Variants in THBS4 observed in about 807,000 individuals in gnomAD.
THBS4 encodes the protein thrombospondin 4, also known as thrombospondin-4.
A neutral mutation model predicts 115.7 loss-of-function variants in THBS4; 90 were observed. That is an observed-to-expected ratio of 0.78 (90% CI 0.66 to 0.93). The LOEUF (loss-of-function observed/expected upper bound fraction) is 0.93. Ranked by LOEUF, THBS4 falls within the 40% of genes least tolerant of loss-of-function variation. THBS4 has a pLI of 0.00. For missense variants in THBS4, 1,087 were observed against 1,232.7 expected, an observed-to-expected ratio of 0.88 and a Z score of 1.77; for synonymous variants, 460 against 479.3, an observed-to-expected ratio of 0.96 and a Z score of 0.53.
chr5:80,050,832 G>T (rs1006166460), intron 2 of THBS4, among the ~76,000 whole-genome samples: 2 of 152,164 alleles, frequency 1.3e-5, no homozygotes, highest in Non-Finnish European at 2.9e-5. Context: ...AGATAGAGTC[G>T]GTTAGGTCTG....
chr5:80,081,904 A>G (rs1375941152), intron 20 of THBS4: 1 of 153,656 alleles, frequency 6.5e-6, no homozygotes, highest in African/African-American at 2.4e-5. Context: ...AAGTGTCCCC[A>G]CAGATTCCTC....
intron 17 of THBS4, 180 bp from the exon 18 acceptor site, chr5:80,078,741 C>T: frequency 3.7e-6 from 2 of 542,744 alleles, no homozygotes; most frequent in Non-Finnish European, 3.1e-6. Flanking sequence ...TTAACCTTTA[C>T]AAGCACATGC....
At chr5:80,079,028 T>C (rs1743358543) in intron 18 of THBS4, 34 bp from the exon 19 acceptor site, 1 of 1,612,666 alleles carries the variant, frequency 6.2e-7, no homozygotes, top group Non-Finnish European at 8.5e-7. Flanking sequence ...TAGTGTGGTT[T>C]GTCTATTGTT....
At chr5:79,994,730 CAGG>C (rs942343160) in intron 1 of THBS4, among the ~76,000 whole-genome samples, 15 of 152,122 alleles carry the variant, frequency 9.9e-5, no homozygotes, top group Non-Finnish European at 1.8e-4. Flanking sequence ...GGCTTGAGCC[CAGG>C]AGGAGAAGAT....
Position 80,083,211 on chromosome 5 carries a change from T to G in THBS4, c.*70T>G. On this transcript the variant is annotated 3_prime_UTR_variant, in exon 22 of 22. Transcript: ENST00000350881. ...TATATATTTTAACTTCAATTTTCTT[T>G]AGCTTTTACCAACCCAAATATATCA... 7.2e-7 allele frequency: 1 copy of G among 1,391,530 alleles called. No individual in the cohort carries two copies. Among genetic ancestry groups the G allele is most frequent in the African/African-American group, 1.4e-5 (1 of 70,428 alleles). The allele number at this position is 1,391,530 out of a possible 1,614,324, so 86.2% of individuals were successfully genotyped here.
intron 2 of THBS4, among the ~76,000 whole-genome samples, chr5:80,002,837 T>C (rs934923407): frequency 2.0e-5 from 3 of 151,222 alleles, no homozygotes; most frequent in Non-Finnish European, 2.9e-5. Context: ...CAAAATAGCA[T>C]TGATGGTGCT....
At chr5:80,073,627 G>A (rs1398863897) in intron 15 of THBS4, among the ~76,000 whole-genome samples, 1 of 151,992 alleles carries the variant, frequency 6.6e-6, no homozygotes, top group Non-Finnish European at 1.5e-5. Context: ...CTTGTGATCT[G>A]CCCGCCTCGG....
At chr5:80,003,822 A>G (rs1831960049) in intron 2 of THBS4, among the ~76,000 whole-genome samples, 1 of 152,186 alleles carries the variant, frequency 6.6e-6, no homozygotes, top group South Asian at 2.1e-4. Flanking sequence ...CGTCCTCTAT[A>G]GCATCTGGTA....
rs568054443 is a variant in THBS4, at chr5:80,065,127, T to A, written c.1126-282T>A. Among the ~76,000 whole-genome samples, 4 of 151,384 alleles carry A rather than the reference T, an allele frequency of 2.6e-5. No homozygotes were observed. In the East Asian group the frequency reaches 5.8e-4, roughly 22 times the overall value. ...TCCCAAGCAAGATTAAAAAAAAAAA[T>A]AAAACTTTCCTAACCTAAAAAGGTG... On this transcript the variant is annotated intron_variant, in intron 8 of 21. Transcript: ENST00000350881.
At chr5:79,997,153 G>A (rs533997549) in intron 1 of THBS4, among the ~76,000 whole-genome samples, 1 of 151,772 alleles carries the variant, frequency 6.6e-6, no homozygotes, top group Non-Finnish European at 1.5e-5. Flanking sequence ...CAGAAAACAG[G>A]TAACAAAATG....
chr5:80,078,289 T>A (rs1266731436), intron 17 of THBS4, 62 bp downstream of exon 17: 3 of 1,389,832 alleles, frequency 2.2e-6, no homozygotes, highest in Non-Finnish European at 2.9e-6. Context: ...CTTCTGATAG[T>A]GGTAGGTCAT....
At chr5:80,008,650 T>C (rs1360631653) in intron 2 of THBS4, among the ~76,000 whole-genome samples, 1 of 152,212 alleles carries the variant, frequency 6.6e-6, no homozygotes, top group Admixed American at 6.5e-5. Flanking sequence ...AGGCAGGGTT[T>C]CTCAACATTG....
intron 8 of THBS4, among the ~76,000 whole-genome samples, chr5:80,063,214 A>C (rs940119348): frequency 6.6e-6 from 1 of 152,130 alleles, no homozygotes; most frequent in African/African-American, 2.4e-5. Context: ...CTGACTTTTT[A>C]ATGATCGCCA....
intron 3 of THBS4, among the ~76,000 whole-genome samples, chr5:80,056,932 A>G (rs577569255): frequency 1.3e-5 from 2 of 152,244 alleles, no homozygotes; most frequent in Non-Finnish European, 2.9e-5. Context: ...GCAAGTAGGA[A>G]TGCTGTGCAG....
chr5:80,037,848 AAAT>A (rs1158776336), intron 1 of THBS4, among the ~76,000 whole-genome samples: 1 of 152,202 alleles, frequency 6.6e-6, no homozygotes, highest in African/African-American at 2.4e-5. Context: ...ATTCTCTTGA[AAAT>A]TAAAAAATCC....
rs142782610 is a variant in THBS4, at chr5:80,076,924, C to T, written c.1962C>T (p.Thr654=). The part of the protein sequence containing the change: ...PTVINSAQLD[T]DKDGIGDECD... The stretch of plus-strand genomic sequence containing the variant: ...TCATTAACAGTGCCCAGCTGGACAC[C>T]GATAAGGATGGAATTGGTGACGAGT... The change falls in exon 16 of 22, where the codon ACC becomes ACT. Residue 654 remains threonine (T), a synonymous_variant. Coordinates refer to ENST00000350881, the MANE Select transcript of THBS4 (RefSeq NM_003248.6). 2.2e-4 allele frequency: 352 copies of T among 1,613,558 alleles called. 1 individual carries two copies. The East Asian group carries it at 3.7e-3, about 17-fold the overall frequency.
intron 2 of THBS4, among the ~76,000 whole-genome samples, chr5:80,030,302 C>A (rs1832560427): frequency 6.6e-6 from 1 of 152,060 alleles, no homozygotes; most frequent in Admixed American, 6.5e-5. Flanking sequence ...TGGGCCCAAG[C>A]AATTCTGTCA....
chr5:80,055,859 A>G lies in THBS4; in HGVS notation c.367A>G (p.Arg123Gly). 6.2e-7 allele frequency: 1 copy of G among 1,614,170 alleles called. No individual in the cohort carries two copies. The highest frequency in any genetic ancestry group is 8.5e-7 in the Non-Finnish European group (1 of 1,180,022). The change falls in exon 3 of 22, where the codon AGG becomes GGG. Residue 123 changes from arginine to glycine, a missense_variant. This residue lies in a region of THBS4 where 979 missense variants were observed against 1,103.7 expected (regional missense o/e 0.89). Transcript: ENST00000350881. ...VFNNLQLADG[R>G]RHRILLRLSN... ...CAACAACCTGCAGCTGGCAGACGGA[A>G]GGCGGCACAGGATCCTCCTGAGGCT... is the stretch of plus-strand genomic sequence containing the variant.
At chr5:80,060,465 AC>A (rs1483456043) in intron 7 of THBS4, among the ~76,000 whole-genome samples, 1 of 152,106 alleles carries the variant, frequency 6.6e-6, no homozygotes, top group African/African-American at 2.4e-5. Flanking sequence ...CTGTTTCAAG[AC>A]CCTGGTTAGG....
Sources: gnomAD v4.1 joint callset for allele counts (sites outside exome capture counted in the v4.1 genomes callset) on GRCh38, gnomAD v4.1.1 for gene constraint, gnomAD v4.1.1 regional missense constraint, MANE v1.5 for transcripts, NCBI Gene and HGNC (gene_info 2026-07-23, HGNC 2026-07-21) for gene names.